The following EDA variants were observed in gnomAD, a reference collection of about 807,000 sequenced individuals.
EDA encodes ectodysplasin A.
In EDA, 2 loss-of-function variants were observed where a neutral mutation model predicts 23.6. The observed-to-expected ratio is 0.08, with a 90% CI of 0.03 to 0.27. The LOEUF (loss-of-function observed/expected upper bound fraction) is 0.27, where lower values mean the gene tolerates loss of function less well. EDA is among the 10% of genes least tolerant of loss of function. The pLI is 1.00. For missense variants in EDA, 229 were observed against 324.2 expected (o/e 0.71, Z 2.26); for synonymous variants, 131 against 132.0 (o/e 0.99, Z 0.05).
At chrX:69,945,873 T>C (rs2018826081) in intron 1 of EDA, among the ~76,000 whole-genome samples, 1 of 112,018 alleles carries the variant, frequency 8.9e-6, no homozygotes, top group African/African-American at 3.2e-5. Flanking sequence ...TCAAGACATT[T>C]GTCTCTCAGT....
chrX:69,954,219 T>G (rs2018967515), intron 1 of EDA, among the ~76,000 whole-genome samples: 1 of 111,447 alleles, frequency 9.0e-6, no homozygotes, highest in Non-Finnish European at 1.9e-5. Flanking sequence ...CTAAGCTACT[T>G]ATAGTTCCAA....
intron 1 of EDA, among the ~76,000 whole-genome samples, chrX:69,738,635 A>G (rs1436106852): frequency 9.2e-6 from 1 of 108,164 alleles, no homozygotes; most frequent in African/African-American, 3.3e-5. Flanking sequence ...ACAGCTGTAA[A>G]CATCCCTTTA....
intron 1 of EDA, among the ~76,000 whole-genome samples, chrX:69,660,518 T>A (rs1280662113): frequency 4.0e-5 from 4 of 99,034 alleles, no homozygotes; most frequent in African/African-American, 1.5e-4. Context: ...CAGGCCCCGG[T>A]GTGTGATGTT....
chrX:69,937,443 A>G, intron 1 of EDA: 1 of 774,006 alleles, frequency 1.3e-6, no homozygotes, highest in Non-Finnish European at 2.0e-6. Context: ...CACATCATAA[A>G]TGACAGGTAA....
intron 1 of EDA, among the ~76,000 whole-genome samples, chrX:69,847,986 C>T (rs1056273710): frequency 1.8e-5 from 2 of 111,867 alleles, no homozygotes; most frequent in Non-Finnish European, 3.8e-5. Flanking sequence ...ACTTGTTCTA[C>T]TTCTTTACTA....
At chrX:69,764,709 A>G (rs1028028865) in intron 1 of EDA, among the ~76,000 whole-genome samples, 6 of 111,467 alleles carry the variant, frequency 5.4e-5, no homozygotes, top group African/African-American at 2.0e-4. Flanking sequence ...ATGCTGCCCA[A>G]ATAAAACCTT....
chrX:69,661,034 C>T (rs1933482688), intron 1 of EDA, among the ~76,000 whole-genome samples: 1 of 110,700 alleles, frequency 9.0e-6, no homozygotes, highest in African/African-American at 3.3e-5. Flanking sequence ...TAATGATCGC[C>T]ACTCTAACTG....
intron 1 of EDA, among the ~76,000 whole-genome samples, chrX:69,649,788 T>C (rs1289713444): frequency 9.0e-6 from 1 of 111,143 alleles, no homozygotes; most frequent in East Asian, 2.8e-4. Context: ...GGTTTCACCA[T>C]GTTGGCCAGG....
intron 1 of EDA, among the ~76,000 whole-genome samples, chrX:69,955,083 T>C (rs2018980402): frequency 8.9e-6 from 1 of 112,171 alleles, no homozygotes. Context: ...CAGGATGACT[T>C]GTAGAGTTGC....
chrX:69,734,971 C>A (rs1276799999), intron 1 of EDA, among the ~76,000 whole-genome samples: 2 of 110,860 alleles, frequency 1.8e-5, no homozygotes. Flanking sequence ...GGGGGTTCCT[C>A]AAAAATTTAA....
At chrX:69,788,666 C>T (rs1280698851) in intron 1 of EDA, among the ~76,000 whole-genome samples, 6 of 112,397 alleles carry the variant, frequency 5.3e-5, no homozygotes, top group Admixed American at 9.3e-5. Flanking sequence ...TCTCCAGCTG[C>T]GTGCTGGGAG....
chrX:69,789,260 G>A (rs746438229), intron 1 of EDA, among the ~76,000 whole-genome samples: 17 of 112,084 alleles, frequency 1.5e-4, no homozygotes, highest in Admixed American at 1.5e-3. Flanking sequence ...CTTCTGCATC[G>A]CTCACACTGG....
intron 1 of EDA, among the ~76,000 whole-genome samples, chrX:69,908,546 T>G (rs1347223146): frequency 9.1e-6 from 1 of 110,204 alleles, no homozygotes; most frequent in Non-Finnish European, 1.9e-5. Context: ...ACAAATGGCT[T>G]GTCTGGTATC....
intron 1 of EDA, among the ~76,000 whole-genome samples, chrX:69,909,358 T>C (rs2018225210): frequency 8.9e-6 from 1 of 112,319 alleles, no homozygotes; most frequent in South Asian, 3.7e-4. Context: ...GTGTAGGAGC[T>C]TGATCTCATC....
At chrX:70,020,493 A>G (rs1275756770) in intron 2 of EDA, among the ~76,000 whole-genome samples, 1 of 109,775 alleles carries the variant, frequency 9.1e-6, no homozygotes, top group Non-Finnish European at 1.9e-5. Context: ...CGGGAGGCAG[A>G]GTTTGCAGTG....
intron 1 of EDA, among the ~76,000 whole-genome samples, chrX:69,891,594 G>A (rs961042869): frequency 1.5e-4 from 17 of 111,353 alleles, no homozygotes; most frequent in African/African-American, 3.6e-4. Flanking sequence ...AAAAAGGAAC[G>A]AGATCATGTC....
At chrX:69,649,956 T>A (rs1933049581) in intron 1 of EDA, among the ~76,000 whole-genome samples, 1 of 111,249 alleles carries the variant, frequency 9.0e-6, no homozygotes, top group Admixed American at 9.5e-5. Flanking sequence ...AACCAAAGAG[T>A]TGGAACTGTG....
At chrX:69,727,282 G>C (rs1297746416) in intron 1 of EDA, among the ~76,000 whole-genome samples, 1 of 111,936 alleles carries the variant, frequency 8.9e-6, no homozygotes, top group Non-Finnish European at 1.9e-5. Flanking sequence ...GGTACAGGAT[G>C]GGGGTTGTGG....
chrX:69,771,314 T>A (rs751526156), intron 1 of EDA, among the ~76,000 whole-genome samples: 1 of 110,977 alleles, frequency 9.0e-6, no homozygotes, highest in East Asian at 2.8e-4. Flanking sequence ...CACCTCGGCC[T>A]CCCAAAGTGC....
Sources: allele counts gnomAD v4.1 joint callset (sites outside exome capture counted in the v4.1 genomes callset), GRCh38; gene constraint gnomAD v4.1.1; transcripts MANE v1.5; gene names NCBI Gene and HGNC (gene_info 2026-07-23, HGNC 2026-07-21).